The following SLAMF7 variants were observed in gnomAD, a reference collection of about 807,000 sequenced individuals.
SLAMF7 encodes SLAM family member 7, also known as 19A24 protein.
In SLAMF7, 26 loss-of-function variants were observed where a neutral mutation model predicts 34.1. That is an observed-to-expected ratio of 0.76 (90% CI 0.56 to 1.06). The LOEUF (loss-of-function observed/expected upper bound fraction) is 1.06, where lower values mean the gene tolerates loss of function less well. Ranked by LOEUF, SLAMF7 falls within the 50% of genes least tolerant of loss-of-function variation. The pLI is 0.00. For missense variants in SLAMF7, 399 were observed against 402.5 expected, an observed-to-expected ratio of 0.99 and a Z score of 0.07; for synonymous variants, 171 against 156.4, an observed-to-expected ratio of 1.09 and a Z score of -0.70.
Position 160,748,243 on chromosome 1 carries a change from G to A in SLAMF7, c.105G>A (p.Gly35=). 1.2e-6 allele frequency: 2 copies of A among 1,614,032 alleles called. No individual in the cohort carries two copies. The highest frequency in any genetic ancestry group is 1.7e-6 in the Non-Finnish European group (2 of 1,179,946). ...AAGAGCTGGTCGGTTCCGTTGGTGG[G>A]GCCGTGACTTTCCCCCTGAAGTCCA... ...PVKELVGSVG[G]AVTFPLKSKV... The change falls in exon 2 of 7, where the codon GGG becomes GGA. Residue 35 remains glycine, a synonymous_variant. Coordinates refer to ENST00000368043, the MANE Select transcript of SLAMF7 (RefSeq NM_021181.5).
At chr1:160,745,677 T>C (rs1664070799) in intron 1 of SLAMF7, among the ~76,000 whole-genome samples, 1 of 152,152 alleles carries the variant, frequency 6.6e-6, no homozygotes. Context: ...AAAGGATCCA[T>C]AGACAATATG....
intron 1 of SLAMF7, among the ~76,000 whole-genome samples, chr1:160,743,539 C>A (rs1211483791): frequency 6.6e-6 from 1 of 152,200 alleles, no homozygotes; most frequent in African/African-American, 2.4e-5. Context: ...GTAGCCCAAA[C>A]CATTTGGCTT....
At chr1:160,746,995 T>C (rs1306987028) in intron 1 of SLAMF7, among the ~76,000 whole-genome samples, 2 of 152,208 alleles carry the variant, frequency 1.3e-5, no homozygotes, top group Non-Finnish European at 2.9e-5. Flanking sequence ...CCGCATGCTC[T>C]CTACAGCGGA....
chr1:160,742,492 C>G (rs1346966138), intron 1 of SLAMF7, among the ~76,000 whole-genome samples: 1 of 152,172 alleles, frequency 6.6e-6, no homozygotes, highest in Non-Finnish European at 1.5e-5. Flanking sequence ...AGATGGGAAG[C>G]CTCCTCAAGG....
At chr1:160,743,020 G>A (rs2101656715) in intron 1 of SLAMF7, among the ~76,000 whole-genome samples, 1 of 152,278 alleles carries the variant, frequency 6.6e-6, no homozygotes, top group East Asian at 1.9e-4. Context: ...GCCACATGCT[G>A]GAGGAGGAGA....
intron 3 of SLAMF7, 100 bp from the exon 4 acceptor site, chr1:160,750,204 G>C: frequency 6.3e-7 from 1 of 1,577,496 alleles, no homozygotes; most frequent in Non-Finnish European, 8.6e-7. Flanking sequence ...CCGCTGGGTG[G>C]TCACCAGGCT....
chr1:160,751,492 A>C, intron 5 of SLAMF7, 44 bp downstream of exon 5: 1 of 1,497,170 alleles, frequency 6.7e-7, no homozygotes, highest in South Asian at 1.1e-5. Context: ...CCTGTCTCTG[A>C]GGCTCTCCTT....
rs1165168249 is a variant in SLAMF7 at position 160,753,292 on chromosome 1, G to A, written c.*115G>A. On this transcript the variant is annotated 3_prime_UTR_variant, in exon 7 of 7. Coordinates refer to ENST00000368043, the MANE Select transcript of SLAMF7 (RefSeq NM_021181.5). The stretch of plus-strand genomic sequence containing the variant: ...GAAACATCAAGGAAGAATGAAGAAC[G>A]TTGACTTTTTTCCAGGATAAATTAT... 5 of 886,462 alleles carry A rather than the reference G, an allele frequency of 5.6e-6. No individual in the cohort carries two copies. Among genetic ancestry groups the A allele is most frequent in the South Asian group, 3.2e-5 (2 of 63,448 alleles). 54.9% of individuals were successfully genotyped at this position (886,462 alleles called of 1,614,324 possible). A position where few individuals can be genotyped will look rare whatever the true frequency, so the allele number is the denominator to read the frequency against.
chr1:160,740,154 C>A (rs1663616391), intron 1 of SLAMF7, among the ~76,000 whole-genome samples: 1 of 152,092 alleles, frequency 6.6e-6, no homozygotes, highest in Non-Finnish European at 1.5e-5. Flanking sequence ...CTGGTGCCCC[C>A]AATATTTTCC....
At chr1:160,739,474 C>T in intron 1 of SLAMF7, 118 bp downstream of exon 1, 1 of 837,292 alleles carries the variant, frequency 1.2e-6, no homozygotes, top group East Asian at 2.5e-5. Flanking sequence ...TCTCATCTAA[C>T]ATTTGCTTTT....
chr1:160,743,278 G>T (rs1418006232), intron 1 of SLAMF7, among the ~76,000 whole-genome samples: 1 of 152,178 alleles, frequency 6.6e-6, no homozygotes, highest in Non-Finnish European at 1.5e-5. Flanking sequence ...TTAGATACAG[G>T]GTTTGAATAA....
chr1:160,742,944 G>A (rs1039566655), intron 1 of SLAMF7, among the ~76,000 whole-genome samples: 2 of 152,104 alleles, frequency 1.3e-5, no homozygotes, highest in Non-Finnish European at 2.9e-5. Flanking sequence ...TTATGACTAC[G>A]GAGGCGGCAG....
intron 1 of SLAMF7, 192 bp downstream of exon 1, chr1:160,739,548 C>T: frequency 1.9e-6 from 1 of 531,798 alleles, no homozygotes. Context: ...AAAAATGGCT[C>T]TGGGAACTGA....
intron 1 of SLAMF7, among the ~76,000 whole-genome samples, chr1:160,745,308 C>A (rs532176525): frequency 6.6e-6 from 1 of 152,190 alleles, no homozygotes; most frequent in South Asian, 2.1e-4. Flanking sequence ...CCAATGGCAC[C>A]CAAGGGCTTT....
chr1:160,751,412 A>G lies in SLAMF7; in HGVS notation c.837A>G (p.Gly279=). The G allele has an allele frequency of 1.2e-6, 2 of 1,613,938 alleles. No individual in the cohort carries two copies. The highest frequency in any genetic ancestry group is 1.7e-6 in the Non-Finnish European group (2 of 1,179,842). Residue 279 remains glycine (G), a synonymous_variant, in exon 5 of 7, where the codon GGA becomes GGG. Transcript: ENST00000368043. ...RETPNICPHS[G]ENTEYDTIPH... ...CTCCTAACATATGCCCCCATTCTGG[A>G]GAGAACACAGAGTACGACACAATCC...
chr1:160,752,393 G>A, intron 6 of SLAMF7, 145 bp downstream of exon 6: 1 of 617,808 alleles, frequency 1.6e-6, no homozygotes, highest in Admixed American at 3.1e-5. Flanking sequence ...CCTTTGCTTA[G>A]GGTTATACAA....
rs495706 is a variant in SLAMF7, at chr1:160,753,466, A to G, written c.*289A>G. On this transcript the variant is annotated 3_prime_UTR_variant, in exon 7 of 7. Coordinates refer to ENST00000368043, the MANE Select transcript of SLAMF7 (RefSeq NM_021181.5). The stretch of plus-strand genomic sequence containing the variant: ...AAAAGTGCTTAGAAGTATTCCTATA[A>G]AAATGTAAATGCAAGGTCACACATA... The G allele has an allele frequency of 0.68, 268,228 of 392,380 alleles. 93,241 individuals carry two copies. The highest frequency in any genetic ancestry group is 0.82 in the East Asian group (17,323 of 21,082). 24.3% of individuals were successfully genotyped at this position (392,380 alleles called of 1,614,324 possible). A position where few individuals can be genotyped will look rare whatever the true frequency, so the allele number is the denominator to read the frequency against.
intron 1 of SLAMF7, among the ~76,000 whole-genome samples, chr1:160,744,353 A>G (rs1318290729): frequency 6.6e-6 from 1 of 152,182 alleles, no homozygotes; most frequent in East Asian, 1.9e-4. Flanking sequence ...CTCTGAACCC[A>G]CATTCCGAGA....
intron 5 of SLAMF7, chr1:160,751,818 C>CTA (rs1664612215): frequency 1.4e-5 from 1 of 70,362 alleles, no homozygotes; most frequent in African/African-American, 5.5e-5. Flanking sequence ...CTCTAGAGAT[C>CTA]TCTCTCTCTC....
Sources: gnomAD v4.1 joint callset for allele counts (sites outside exome capture counted in the v4.1 genomes callset) on GRCh38, gnomAD v4.1.1 for gene constraint, MANE v1.5 for transcripts, NCBI Gene and HGNC (gene_info 2026-07-23, HGNC 2026-07-21) for gene names.